The following TGM6 variants were observed in gnomAD, a reference collection of about 807,000 sequenced individuals.
TGM6 encodes the protein transglutaminase 6, also known as protein-glutamine gamma-glutamyltransferase 6.
A neutral mutation model predicts 77.5 loss-of-function variants in TGM6; 74 were observed. The observed-to-expected ratio is 0.96, with a 90% confidence interval of 0.79 to 1.16. The LOEUF (loss-of-function observed/expected upper bound fraction) is 1.16. Ranked by LOEUF, TGM6 falls within the 50% of genes most tolerant of loss-of-function variation. The probability of loss-of-function intolerance (pLI) is 0.00; values close to 1 mark genes in which losing one functional copy is unlikely to be tolerated. For synonymous variants in TGM6, 383 were observed against 378.9 expected, an observed-to-expected ratio of 1.01 and a Z score of -0.12; for missense variants, 968 against 940.2, an observed-to-expected ratio of 1.03 and a Z score of -0.39.
chr20:2,382,942 T>A (rs1403798583), intron 1 of TGM6, among the ~76,000 whole-genome samples: 3 of 152,160 alleles, frequency 2.0e-5, no homozygotes, highest in Admixed American at 1.3e-4. Flanking sequence ...ATTACAATCA[T>A]CTTTCAGCTC....
At chr20:2,414,591 C>T (rs1414115162) in intron 9 of TGM6, among the ~76,000 whole-genome samples, 1 of 152,130 alleles carries the variant, frequency 6.6e-6, no homozygotes, top group African/African-American at 2.4e-5. Flanking sequence ...AACAAACACC[C>T]ACACAAAAAC....
intron 9 of TGM6, among the ~76,000 whole-genome samples, chr20:2,412,898 G>C (rs901905915): frequency 2.6e-5 from 4 of 151,980 alleles, no homozygotes; most frequent in Non-Finnish European, 4.4e-5. Context: ...AAATGAAAAG[G>C]CATCCCATTT....
At position 2,417,583 on chromosome 20, in the gene TGM6, C is replaced by T. The variant is rs372081513; in HGVS notation, c.1678+10C>T. 24 of 1,594,268 alleles carry T rather than the reference C, an allele frequency of 1.5e-5. No individual in the cohort carries two copies. The highest frequency in any genetic ancestry group is 8.4e-5 in the Admixed American group (5 of 59,272). On this transcript the variant is annotated intron_variant, in intron 10 of 12. Coordinates refer to ENST00000202625, the MANE Select transcript of TGM6 (RefSeq NM_198994.3). The stretch of plus-strand genomic sequence containing the variant: ...CTGGGGCCGCAAGAAGGTAAGTGTA[C>T]GCTGGCTTGGTGGAATCAGGCCAAA...
At chr20:2,417,674 G>C in intron 10 of TGM6, 101 bp downstream of exon 10, 3 of 1,291,864 alleles carry the variant, frequency 2.3e-6, no homozygotes, top group Non-Finnish European at 3.2e-6. Context: ...TCATCCCCAG[G>C]AAGGAAGGGG....
At position 2,417,229 on chromosome 20, in the gene TGM6, C is replaced by A; in HGVS notation, c.1337-3C>A. The A allele has an allele frequency of 6.3e-7, 1 of 1,594,598 alleles. No individual in the cohort carries two copies. The highest frequency in any genetic ancestry group is 8.5e-7 in the Non-Finnish European group (1 of 1,170,722). On this transcript the variant is annotated splice_region_variant and splice_polypyrimidine_tract_variant and intron_variant, in intron 9 of 12. Transcript: ENST00000202625. ...GCCGCTGACGTTGTGTGATGCCCTG[C>A]AGGGTCCCGGAAAGAGAGGCAGGTG...
intron 10 of TGM6, among the ~76,000 whole-genome samples, chr20:2,427,549 C>T (rs894866325): frequency 6.6e-6 from 1 of 152,104 alleles, no homozygotes; most frequent in Non-Finnish European, 1.5e-5. Context: ...CTGATTTCTG[C>T]TCTAATTTTT....
intron 9 of TGM6, among the ~76,000 whole-genome samples, chr20:2,405,325 A>G (rs939654199): frequency 6.6e-6 from 1 of 152,172 alleles, no homozygotes. Context: ...AGGGGTGGGA[A>G]GTTGTAAGGC....
At chr20:2,403,936 A>G in intron 9 of TGM6, 113 bp downstream of exon 9, 1 of 1,553,250 alleles carries the variant, frequency 6.4e-7, no homozygotes, top group East Asian at 2.3e-5. Context: ...TGACGCTGAC[A>G]GCAGCTTCCA....
chr20:2,429,506 C>T (rs564236491), intron 10 of TGM6, among the ~76,000 whole-genome samples: 3 of 150,078 alleles, frequency 2.0e-5, no homozygotes, highest in East Asian at 3.9e-4. Flanking sequence ...CATGGTGGCT[C>T]ACACCTGTAA....
intron 1 of TGM6, among the ~76,000 whole-genome samples, chr20:2,385,881 G>C (rs192683993): frequency 2.0e-3 from 308 of 152,308 alleles, no homozygotes; most frequent in African/African-American, 6.7e-3. Context: ...AACCCAGGGA[G>C]GGGGAGACTC....
chr20:2,396,209 G>GA (rs371428765), intron 3 of TGM6, among the ~76,000 whole-genome samples: 6 of 150,872 alleles, frequency 4.0e-5, no homozygotes, highest in African/African-American at 1.5e-4. Context: ...AAGAAAATAA[G>GA]AAAAAAAGAA....
chr20:2,403,836 TGGC>T lies in TGM6; in HGVS notation c.1336+17_1336+19del, dbSNP rs1568661325. 6.2e-7 allele frequency: 1 copy of T among 1,614,006 alleles called. No homozygotes were observed. Among genetic ancestry groups the T allele is most frequent in the South Asian group, 1.1e-5 (1 of 91,086 alleles). On this transcript the variant is annotated intron_variant, in intron 9 of 12. Transcript: ENST00000202625. Reference sequence around the variant, plus strand: ...AAGTATCCGGAAGGTAAGGGCCACATGGCGGCCTTTATTACCTTCCCCCGGATG... The same window carrying T: ...AAGTATCCGGAAGGTAAGGGCCACATGGCCTTTATTACCTTCCCCCGGATG...
Position 2,417,725 on chromosome 20 carries a change from C to T in TGM6, c.1678+152C>T, listed in dbSNP as rs529026658. ...GTGCTCAGTGCCTTGCCTCTTGTCC[C>T]GACTTTACAGATGAGAAAACTGAGA... On this transcript the variant is annotated intron_variant, in intron 10 of 12. Coordinates refer to ENST00000202625, the MANE Select transcript of TGM6 (RefSeq NM_198994.3). 2,036 of 903,406 alleles carry T rather than the reference C, an allele frequency of 2.3e-3. 10 individuals are homozygous for T. Among genetic ancestry groups the T allele is most frequent in the South Asian group, 0.011 (771 of 67,198 alleles). 56.0% of individuals were successfully genotyped at this position (903,406 alleles called of 1,614,324 possible).
chr20:2,393,953 C>G (rs1034780153), intron 1 of TGM6, among the ~76,000 whole-genome samples: 4 of 152,112 alleles, frequency 2.6e-5, no homozygotes, highest in African/African-American at 9.7e-5. Flanking sequence ...GGGCAATGGG[C>G]CAGTTCTCAT....
rs139331856 is a variant in TGM6, at chr20:2,395,243, G to C, written c.231G>C (p.Ser77=). The change falls in exon 3 of 13, where the codon TCG becomes TCC. Residue 77 remains serine (S), a synonymous_variant. Transcript: ENST00000202625. ...ALHTKAVFQT[S]ELERGEGWTA... ...ACACCAAAGCTGTGTTCCAGACATC[G>C]GAGCTGGAGCGGGGTGAGGGCTGGA... is the stretch of plus-strand genomic sequence containing the variant. 2.5e-6 allele frequency: 4 copies of C among 1,613,930 alleles called. No individual in the cohort carries two copies. Among genetic ancestry groups the C allele is most frequent in the South Asian group, 1.1e-5 (1 of 91,076 alleles).
chr20:2,409,484 T>C (rs1410091271), intron 9 of TGM6, among the ~76,000 whole-genome samples: 1 of 151,970 alleles, frequency 6.6e-6, no homozygotes, highest in Non-Finnish European at 1.5e-5. Flanking sequence ...GGCCGAGGTG[T>C]GCAGATCACC....
chr20:2,399,213 T>C (rs2122360457), intron 5 of TGM6, among the ~76,000 whole-genome samples: 1 of 152,094 alleles, frequency 6.6e-6, no homozygotes, highest in Non-Finnish European at 1.5e-5. Flanking sequence ...TGCACAAAAT[T>C]CTTGGCATAG....
chr20:2,397,507 A>G (rs185516997), intron 4 of TGM6, among the ~76,000 whole-genome samples: 1 of 152,368 alleles, frequency 6.6e-6, no homozygotes, highest in African/African-American at 2.4e-5. Flanking sequence ...CTTCCAAATT[A>G]TCAGAGACCA....
At position 2,399,577 on chromosome 20, in the gene TGM6, A is replaced by G; in HGVS notation, c.689A>G (p.Asp230Gly). Residue 230 changes from aspartate to glycine, a missense_variant, in exon 6 of 13, where the codon GAC (aspartate) becomes GGC (glycine). By Grantham distance (94) the Asp-to-Gly change is moderately conservative. Transcript: ENST00000202625. Reference protein sequence around the residue: ...VISAMVNSNNDRGVVQGQWQG... With the variant: ...VISAMVNSNNGRGVVQGQWQG... ...TCTGCCCAGGTGAACAGCAACAACG[A>G]CCGAGGTGTGGTGCAAGGACAGTGG... The G allele has an allele frequency of 6.2e-7, 1 of 1,613,024 alleles. No individual in the cohort carries two copies. Among genetic ancestry groups the G allele is most frequent in the Non-Finnish European group, 8.5e-7 (1 of 1,179,938 alleles).
Sources: gnomAD v4.1 joint callset for allele counts (sites outside exome capture counted in the v4.1 genomes callset) on GRCh38, gnomAD v4.1.1 for gene constraint, MANE v1.5 for transcripts, NCBI Gene and HGNC (gene_info 2026-07-23, HGNC 2026-07-21) for gene names.